Variants in PHC2 observed in about 807,000 individuals in gnomAD.
PHC2 encodes the protein polyhomeotic homolog 2.
Under a neutral mutation model 87.4 loss-of-function variants are expected in PHC2, and 29 were observed. That is an observed-to-expected ratio of 0.33 (90% CI 0.25 to 0.45). The LOEUF (loss-of-function observed/expected upper bound fraction) is 0.45. Ranked by LOEUF, PHC2 falls within the 20% of genes least tolerant of loss-of-function variation. The pLI is 1.00. For missense variants in PHC2, 857 were observed against 1,136.7 expected (o/e 0.75, Z 3.54); for synonymous variants, 438 against 461.7 (o/e 0.95, Z 0.66).
chr1:33,403,812 C>T (rs2148380962), intron 1 of PHC2, among the ~76,000 whole-genome samples: 1 of 152,250 alleles, frequency 6.6e-6, no homozygotes, highest in South Asian at 2.1e-4. Context: ...CACTGCTGAC[C>T]ATTCTTTTCC....
intron 1 of PHC2, among the ~76,000 whole-genome samples, chr1:33,410,714 T>C (rs930212792): frequency 2.0e-5 from 3 of 152,162 alleles, no homozygotes; most frequent in Admixed American, 1.3e-4. Context: ...GATGTCCTCC[T>C]CAGTGCTATT....
intron 7 of PHC2, among the ~76,000 whole-genome samples, chr1:33,356,289 ATATATT>A (rs1647083129): frequency 1.4e-5 from 2 of 141,242 alleles, no homozygotes; most frequent in Admixed American, 1.4e-4. Flanking sequence ...ATATATATAT[ATATATT>A]TATTTATTTA....
At chr1:33,343,643 G>A (rs1197835383) in intron 9 of PHC2, among the ~76,000 whole-genome samples, 1 of 152,174 alleles carries the variant, frequency 6.6e-6, no homozygotes, top group Non-Finnish European at 1.5e-5. Flanking sequence ...GGACTAGGCT[G>A]AGCTTGGACA....
chr1:33,406,438 T>A (rs995214696), intron 1 of PHC2, among the ~76,000 whole-genome samples: 5 of 152,166 alleles, frequency 3.3e-5, no homozygotes, highest in Admixed American at 3.3e-4. Flanking sequence ...GGGGTGCAGT[T>A]CTATGCACTG....
intron 9 of PHC2, chr1:33,335,348 A>AC: frequency 6.1e-6 from 6 of 985,392 alleles, no homozygotes; most frequent in Non-Finnish European, 7.2e-6. Context: ...GCTGCCTTTA[A>AC]CCTGGAACTT....
chr1:33,335,181 C>T (rs867734384), intron 9 of PHC2: 23 of 985,204 alleles, frequency 2.3e-5, no homozygotes, highest in Middle Eastern at 5.2e-4. Flanking sequence ...CACAACCACA[C>T]GACAGTGAAC....
intron 1 of PHC2, among the ~76,000 whole-genome samples, chr1:33,429,894 A>G (rs990734189): frequency 6.6e-6 from 1 of 152,238 alleles, no homozygotes; most frequent in Non-Finnish European, 1.5e-5. Context: ...AACTCTATTG[A>G]TATCACGGGC....
At chr1:33,401,572 G>A (rs1649533452) in intron 1 of PHC2, among the ~76,000 whole-genome samples, 1 of 152,162 alleles carries the variant, frequency 6.6e-6, no homozygotes. Flanking sequence ...ACTGGTCATT[G>A]CGGGAGTATT....
intron 1 of PHC2, among the ~76,000 whole-genome samples, chr1:33,401,057 T>C (rs137992326): frequency 6.6e-6 from 1 of 152,320 alleles, no homozygotes; most frequent in African/African-American, 2.4e-5. Flanking sequence ...CCAGGCATGG[T>C]GGCTCACGTC....
chr1:33,430,363 G>C, intron 1 of PHC2, among the ~76,000 whole-genome samples: 1 of 152,164 alleles, frequency 6.6e-6, no homozygotes, highest in East Asian at 1.9e-4. Flanking sequence ...TCTCCTCCCA[G>C]TTCCAGCAAC....
intron 9 of PHC2, among the ~76,000 whole-genome samples, chr1:33,352,831 G>C (rs918397291): frequency 1.3e-5 from 2 of 152,188 alleles, no homozygotes; most frequent in Non-Finnish European, 2.9e-5. Context: ...TCAGAGTCAT[G>C]GCGCTGCCCT....
intron 1 of PHC2, among the ~76,000 whole-genome samples, chr1:33,421,060 C>A (rs1351414792): frequency 6.6e-6 from 1 of 152,146 alleles, no homozygotes; most frequent in Non-Finnish European, 1.5e-5. Context: ...AGTTGTAATT[C>A]CAATTATTAT....
At chr1:33,398,528 T>A (rs911589176) in intron 1 of PHC2, among the ~76,000 whole-genome samples, 35 of 152,234 alleles carry the variant, frequency 2.3e-4, no homozygotes, top group Non-Finnish European at 1.0e-4. Context: ...TTCTCATTTA[T>A]CCTTTTCTTT....
chr1:33,414,319 G>T (rs1650118077), intron 1 of PHC2, among the ~76,000 whole-genome samples: 2 of 152,116 alleles, frequency 1.3e-5, no homozygotes, highest in South Asian at 4.1e-4. Context: ...GGCCAGCAAG[G>T]ACAGGGAGCA....
intron 1 of PHC2, among the ~76,000 whole-genome samples, chr1:33,407,346 T>C (rs1313464706): frequency 2.6e-5 from 4 of 152,168 alleles, no homozygotes; most frequent in Admixed American, 2.6e-4. Context: ...TACTAGAAAA[T>C]AAATATTTTC....
At chr1:33,406,263 T>C (rs1023225327) in intron 1 of PHC2, among the ~76,000 whole-genome samples, 2 of 152,198 alleles carry the variant, frequency 1.3e-5, no homozygotes, top group African/African-American at 4.8e-5. Flanking sequence ...CTAGAAGTAT[T>C]TTCTGACTCA....
Position 33,349,757 on chromosome 1 carries a change from C to G in PHC2, c.1558+4644G>C. 1 of 982,672 alleles carries G rather than the reference C, an allele frequency of 1.0e-6. No individual in the cohort carries two copies. The highest frequency in any genetic ancestry group is 1.2e-6 in the Non-Finnish European group (1 of 829,230). The allele number at this position is 982,672 out of a possible 1,614,324, so 60.9% of individuals were successfully genotyped here. A position where few individuals can be genotyped will look rare whatever the true frequency, so the allele number is the denominator to read the frequency against. ...GCCGCGGCGCATCCGACCGCACCGG[C>G]CTGGCCGGCGTCAACAAAGGGCGGC... On this transcript the variant is annotated intron_variant, in intron 9 of 14. Transcript: ENST00000683057. This position sits in a 1 kb window ranked among gnomAD's most constrained non-coding sequence, Gnocchi z 4.2.
chr1:33,388,195 G>A (rs1371079577), intron 1 of PHC2, among the ~76,000 whole-genome samples: 2 of 152,116 alleles, frequency 1.3e-5, no homozygotes, highest in African/African-American at 4.8e-5. Context: ...AAGAGGAGGA[G>A]CTTCATAGTT....
chr1:33,394,739 A>C (rs996304412), intron 1 of PHC2, among the ~76,000 whole-genome samples: 3 of 151,872 alleles, frequency 2.0e-5, no homozygotes, highest in African/African-American at 7.3e-5. Flanking sequence ...CTAATTTTTT[A>C]TTTTTTATTT....
Sources: allele counts gnomAD v4.1 joint callset (sites outside exome capture counted in the v4.1 genomes callset), GRCh38; gene constraint gnomAD v4.1.1; non-coding constraint Gnocchi (gnomAD v3.1); transcripts MANE v1.5; gene names NCBI Gene and HGNC (gene_info 2026-07-23, HGNC 2026-07-21).